Variants in HDAC9 observed in about 807,000 individuals in gnomAD.
HDAC9 encodes the protein MEF-2 interacting transcription repressor (MITR) protein.
In HDAC9, 41 loss-of-function variants were observed where a neutral mutation model predicts 139.4. The ratio of observed to expected loss-of-function variants is 0.29; its 90% CI spans 0.23 to 0.38. HDAC9 has a LOEUF of 0.38. Among genes scored for constraint, HDAC9 ranks in the 10% least tolerant of loss-of-function variants. The pLI, the probability that HDAC9 is intolerant of heterozygous loss-of-function variation, is 1.00. For synonymous variants in HDAC9, 517 were observed against 476.2 expected, an observed-to-expected ratio of 1.09 and a Z score of -1.12; for missense variants, 1,147 against 1,297.0, an observed-to-expected ratio of 0.88 and a Z score of 1.78.
chr7:18,397,044 G>A (rs139352527), intron 1 of HDAC9, among the ~76,000 whole-genome samples: 1,521 of 152,030 alleles, frequency 0.01, 33 homozygotes, highest in African/African-American at 0.034. Context: ...AAAGATCATC[G>A]TCGACTCCTA....
At chr7:18,484,409 G>A (rs963367638) in intron 1 of HDAC9, among the ~76,000 whole-genome samples, 3 of 151,682 alleles carry the variant, frequency 2.0e-5, no homozygotes, top group Non-Finnish European at 4.4e-5. Flanking sequence ...GATAATCATG[G>A]GTTCTCATTT....
intron 23 of HDAC9, among the ~76,000 whole-genome samples, chr7:18,940,332 GGTCA>G (rs1294761215): frequency 6.6e-6 from 1 of 152,050 alleles, no homozygotes; most frequent in Non-Finnish European, 1.5e-5. Context: ...ATATGTACAA[GGTCA>G]GTCAAAATAG....
intron 12 of HDAC9, among the ~76,000 whole-genome samples, chr7:18,706,724 C>T (rs1367515366): frequency 2.0e-5 from 3 of 152,062 alleles, no homozygotes; most frequent in Non-Finnish European, 4.4e-5. Flanking sequence ...AAGGGTGCTG[C>T]TAAACATCTT....
intron 13 of HDAC9, among the ~76,000 whole-genome samples, chr7:18,746,025 A>G (rs527375415): frequency 2.0e-5 from 3 of 150,040 alleles, no homozygotes; most frequent in South Asian, 2.1e-4. Flanking sequence ...GCACACCACC[A>G]TTCCTGGCTA....
intron 2 of HDAC9, among the ~76,000 whole-genome samples, chr7:18,540,083 C>T (rs543550787): frequency 1.0e-4 from 15 of 143,502 alleles, no homozygotes; most frequent in African/African-American, 2.9e-4. Flanking sequence ...CATGTTGAAA[C>T]CGCATCCCTA....
At chr7:18,199,318 G>A (rs1790938925) in intron 2 of HDAC9, among the ~76,000 whole-genome samples, 1 of 152,042 alleles carries the variant, frequency 6.6e-6, no homozygotes, top group African/African-American at 2.4e-5. Flanking sequence ...GATTTCTTGT[G>A]AAGTTTAATA....
At chr7:18,274,351 G>C (rs1441357525) in intron 2 of HDAC9, among the ~76,000 whole-genome samples, 2 of 152,190 alleles carry the variant, frequency 1.3e-5, no homozygotes, top group African/African-American at 4.8e-5. Context: ...AAGCAGGCAT[G>C]TGCATAGATC....
At chr7:18,788,853 T>C (rs1395853735) in intron 16 of HDAC9, among the ~76,000 whole-genome samples, 3 of 151,960 alleles carry the variant, frequency 2.0e-5, no homozygotes, top group African/African-American at 7.2e-5. Flanking sequence ...TTTGCTCACA[T>C]GTCGCTTTCT....
intron 2 of HDAC9, among the ~76,000 whole-genome samples, chr7:18,186,384 C>A (rs1789915825): frequency 6.6e-6 from 1 of 152,248 alleles, no homozygotes; most frequent in South Asian, 2.1e-4. Flanking sequence ...AACAGGTGCA[C>A]TGCTGGTGTT....
At chr7:18,183,290 T>C (rs923491436) in intron 2 of HDAC9, among the ~76,000 whole-genome samples, 3 of 152,186 alleles carry the variant, frequency 2.0e-5, no homozygotes, top group African/African-American at 7.2e-5. Flanking sequence ...ATTACAGGCG[T>C]GAGCCACGGC....
At chr7:18,460,327 C>G (rs1323387951) in intron 1 of HDAC9, among the ~76,000 whole-genome samples, 6 of 152,042 alleles carry the variant, frequency 3.9e-5, no homozygotes, top group Non-Finnish European at 8.8e-5. Flanking sequence ...GGAAACAAAT[C>G]TTTTGACAGG....
At position 18,550,003 on chromosome 7, in the gene HDAC9, T is replaced by G. The variant is rs188315159; in HGVS notation, c.23-35278T>G. On this transcript the variant is annotated intron_variant, in intron 2 of 25. Coordinates refer to ENST00000686413, the MANE Select transcript of HDAC9 (RefSeq NM_178425.4). ...TTTTCTTGCTTAGGAATGCCTTCAT[T>G]TTTTGGAAAGGCATTCTTTATTTTT... Among the ~76,000 whole-genome samples the G allele has an allele frequency of 4.6e-5, 7 of 151,912 alleles. No individual in the cohort carries two copies. The East Asian group carries it at 1.4e-3, about 29-fold the overall frequency.
chr7:18,497,998 A>G (rs1797376540), intron 2 of HDAC9, among the ~76,000 whole-genome samples: 1 of 152,112 alleles, frequency 6.6e-6, no homozygotes, highest in Non-Finnish European at 1.5e-5. Flanking sequence ...TTGTGTACAA[A>G]GCAACAAGAT....
At chr7:18,139,785 G>A (rs917385973) in intron 1 of HDAC9, among the ~76,000 whole-genome samples, 5 of 152,114 alleles carry the variant, frequency 3.3e-5, no homozygotes, top group African/African-American at 1.2e-4. Flanking sequence ...GGGAGACAGA[G>A]GGGTATTTAA....
chr7:18,706,210 A>G (rs1277469689), intron 12 of HDAC9, among the ~76,000 whole-genome samples: 1 of 130,710 alleles, frequency 7.7e-6, no homozygotes, highest in East Asian at 2.4e-4. Flanking sequence ...AGCCGCAATA[A>G]ATTTCCACAG....
chr7:18,169,360 T>C (rs1413156327), intron 2 of HDAC9, among the ~76,000 whole-genome samples: 1 of 152,198 alleles, frequency 6.6e-6, no homozygotes, highest in Admixed American at 6.5e-5. Flanking sequence ...GTCTTTAGTC[T>C]ATAGATTTAC....
intron 2 of HDAC9, among the ~76,000 whole-genome samples, chr7:18,191,587 A>G (rs1475962033): frequency 6.6e-6 from 1 of 152,214 alleles, no homozygotes; most frequent in East Asian, 1.9e-4. Flanking sequence ...AGGGGAAGTT[A>G]ATGGTGTTTG....
chr7:18,618,892 G>C (rs983033048), intron 6 of HDAC9, among the ~76,000 whole-genome samples: 9 of 151,394 alleles, frequency 5.9e-5, no homozygotes, highest in African/African-American at 2.2e-4. Flanking sequence ...AAAGTAGCAT[G>C]TTATTTGTGA....
intron 22 of HDAC9, among the ~76,000 whole-genome samples, chr7:18,897,929 C>T (rs1563035058): frequency 6.6e-6 from 1 of 151,652 alleles, no homozygotes; most frequent in African/African-American, 2.4e-5. Context: ...TTTCTAGACA[C>T]AGTTTTTTAC....
Sources: gnomAD v4.1 joint callset for allele counts (sites outside exome capture counted in the v4.1 genomes callset) on GRCh38, gnomAD v4.1.1 for gene constraint, MANE v1.5 for transcripts, NCBI Gene and HGNC (gene_info 2026-07-23, HGNC 2026-07-21) for gene names.